WDPCP: variants seen among roughly 807,000 people sequenced by gnomAD.
The protein encoded by WDPCP is WD repeat containing planar cell polarity effector.
Under a neutral mutation model 93.1 loss-of-function variants are expected in WDPCP, and 71 were observed. The ratio of observed to expected loss-of-function variants is 0.76; its 90% CI spans 0.63 to 0.93. WDPCP has a LOEUF of 0.93. Ranked by LOEUF, WDPCP falls within the 40% of genes least tolerant of loss-of-function variation. The pLI, the probability that WDPCP is intolerant of heterozygous loss-of-function variation, is 0.00. For missense variants in WDPCP, 844 were observed against 887.4 expected, an observed-to-expected ratio of 0.95 and a Z score of 0.62; for synonymous variants, 315 against 315.0, an observed-to-expected ratio of 1.00 and a Z score of 0.00.
chr2:63,570,649 T>C lies in WDPCP; in HGVS notation c.75+17548A>G, dbSNP rs910503488. Among the ~76,000 whole-genome samples, 5 of 152,218 alleles carry C rather than the reference T, an allele frequency of 3.3e-5. No homozygotes were observed. In the South Asian group the frequency reaches 1.0e-3, roughly 32 times the overall value. The stretch of plus-strand genomic sequence containing the variant: ...GAAATTGAAGTGTATATATTATATG[T>C]AGGAAAAACAGAATGCCAAGTACAC... On this transcript the variant is annotated intron_variant, in intron 1 of 17. Transcript: ENST00000272321.
intron 6 of WDPCP, among the ~76,000 whole-genome samples, chr2:63,477,417 G>A (rs983781576): frequency 6.6e-6 from 1 of 152,012 alleles, no homozygotes; most frequent in Non-Finnish European, 1.5e-5. Flanking sequence ...CTAGGGACAG[G>A]CATTGTCTGA....
chr2:63,259,265 T>C (rs1042324353), intron 14 of WDPCP, 42 bp downstream of exon 14: 7 of 1,481,086 alleles, frequency 4.7e-6, no homozygotes, highest in Non-Finnish European at 5.6e-6. Context: ...TACTAACTAT[T>C]GATTAAAATA....
At chr2:63,246,985 G>C (rs1005616653) in intron 14 of WDPCP, among the ~76,000 whole-genome samples, 2 of 152,104 alleles carry the variant, frequency 1.3e-5, no homozygotes, top group African/African-American at 4.8e-5. Context: ...AATGTGTGAT[G>C]GGCTTATTGA....
intron 1 of WDPCP, chr2:63,564,590 T>C (rs1391051496): frequency 1.3e-5 from 2 of 152,226 alleles, no homozygotes; most frequent in African/African-American, 2.4e-5. Context: ...ATAGCACAAT[T>C]AACTTTTTTT....
chr2:63,484,494 C>G, intron 6 of WDPCP, 110 bp downstream of exon 6: 4 of 1,221,024 alleles, frequency 3.3e-6, no homozygotes, highest in Non-Finnish European at 4.7e-6. Context: ...GAAATAACCA[C>G]TGCTAAAAAA....
At chr2:63,428,819 A>T (rs1320414376) in intron 9 of WDPCP, among the ~76,000 whole-genome samples, 2 of 152,240 alleles carry the variant, frequency 1.3e-5, no homozygotes, top group African/African-American at 2.4e-5. Flanking sequence ...AAAATGCCTA[A>T]GAAGACAGCT....
At chr2:63,281,451 C>A (rs1053313806) in intron 13 of WDPCP, among the ~76,000 whole-genome samples, 1 of 152,176 alleles carries the variant, frequency 6.6e-6, no homozygotes, top group African/African-American at 2.4e-5. Context: ...AGTAGAACTA[C>A]CATTTGATCC....
chr2:63,331,147 T>A (rs1210953037), intron 12 of WDPCP, among the ~76,000 whole-genome samples: 1 of 152,180 alleles, frequency 6.6e-6, no homozygotes, highest in Non-Finnish European at 1.5e-5. Flanking sequence ...TAAGCCATCA[T>A]GCCTAATTTT....
chr2:63,153,197 T>C, intron 16 of WDPCP: 1 of 557,790 alleles, frequency 1.8e-6, no homozygotes, highest in Non-Finnish European at 3.2e-6. Flanking sequence ...ACTAGCAGCA[T>C]ATCACTTGAG....
intron 2 of WDPCP, among the ~76,000 whole-genome samples, chr2:63,740,200 GC>G (rs926927877): frequency 1.3e-5 from 2 of 152,062 alleles, no homozygotes; most frequent in African/African-American, 2.4e-5. Flanking sequence ...TAAGTATATA[GC>G]TTGGGGTAGA....
intron 9 of WDPCP, among the ~76,000 whole-genome samples, chr2:63,424,863 T>G (rs1189016819): frequency 6.6e-6 from 1 of 152,044 alleles, no homozygotes; most frequent in Non-Finnish European, 1.5e-5. Context: ...TTGGGCGCGG[T>G]GCGAGTGATC....
chr2:63,195,979 T>A (rs1161112869), intron 14 of WDPCP, among the ~76,000 whole-genome samples: 1 of 152,182 alleles, frequency 6.6e-6, no homozygotes, highest in Non-Finnish European at 1.5e-5. Flanking sequence ...GCTACTGTGG[T>A]GGATTTGAGG....
chr2:63,690,946 T>TA (rs71925465), intron 2 of WDPCP, among the ~76,000 whole-genome samples: 58 of 151,504 alleles, frequency 3.8e-4, no homozygotes, highest in East Asian at 7.8e-4. Flanking sequence ...ATGGTAATAG[T>TA]AAAAAAAAAC....
chr2:63,236,642 G>A (rs1196962182), intron 14 of WDPCP, among the ~76,000 whole-genome samples: 2 of 152,016 alleles, frequency 1.3e-5, no homozygotes, highest in African/African-American at 4.8e-5. Flanking sequence ...ACAGAATAGA[G>A]TGGAACAGAA....
intron 2 of WDPCP, among the ~76,000 whole-genome samples, chr2:63,707,608 A>C (rs1292445194): frequency 1.3e-5 from 2 of 152,186 alleles, no homozygotes; most frequent in Non-Finnish European, 2.9e-5. Context: ...TGATCTTCTG[A>C]AGCCTTCTTC....
At position 63,505,285 on chromosome 2, in the gene WDPCP, T is replaced by C. The variant is rs931224445; in HGVS notation, c.76-12345A>G. 3.3e-5 allele frequency among the ~76,000 whole-genome samples: 5 copies of C among 152,058 alleles called. No homozygotes were observed. In the South Asian group the frequency reaches 8.3e-4, roughly 25 times the overall value. ...TTAGTATTTTGTTTCAATGGTTGAATAGAGAACCAAAGTAGATAACTTAGG... is the reference window on the plus strand; with the variant it reads ...TTAGTATTTTGTTTCAATGGTTGAACAGAGAACCAAAGTAGATAACTTAGG... On this transcript the variant is annotated intron_variant, in intron 1 of 17. Coordinates refer to ENST00000272321, the MANE Select transcript of WDPCP (RefSeq NM_015910.7).
intron 2 of WDPCP, among the ~76,000 whole-genome samples, chr2:63,726,661 T>TA (rs1669501121): frequency 3.3e-5 from 5 of 152,226 alleles, no homozygotes; most frequent in African/African-American, 1.2e-4. Context: ...TATTGATTCT[T>TA]ACTATCCATG....
At chr2:63,296,808 G>A (rs1684900636) in intron 13 of WDPCP, among the ~76,000 whole-genome samples, 1 of 152,026 alleles carries the variant, frequency 6.6e-6, no homozygotes, top group Admixed American at 6.5e-5. Flanking sequence ...AAAAAAAATG[G>A]GAAAACATTC....
rs1558868598 is a variant in WDPCP, at chr2:63,622,059, CTTTTTTCT to C, written n.488+28592_488+28599del. 1.1e-5 allele frequency: 6 copies of C among 543,860 alleles called. No homozygotes were observed. In the African/African-American group the frequency reaches 1.3e-4, roughly 12 times the overall value. The allele number at this position is 543,860 out of a possible 1,614,324, so 33.7% of individuals were successfully genotyped here. On this transcript the variant is annotated intron_variant and non_coding_transcript_variant, in intron 3 of 4. Transcript: ENST00000467687. The stretch of plus-strand genomic sequence containing the variant: ...CTCCCCTCACCCCTCAACATTCTTT[CTTTTTTCT>C]TTTTTTTTTTTTTTTTTGGAAGTTG...
Sources: gnomAD v4.1 joint callset for allele counts (sites outside exome capture counted in the v4.1 genomes callset) on GRCh38, gnomAD v4.1.1 for gene constraint, MANE v1.5 for transcripts, NCBI Gene and HGNC (gene_info 2026-07-23, HGNC 2026-07-21) for gene names.